Variants in ZFHX3 observed in about 807,000 individuals in gnomAD.
ZFHX3 encodes the protein zinc finger homeobox protein 3.
A neutral mutation model predicts 279.1 loss-of-function variants in ZFHX3; 42 were observed. That is an observed-to-expected ratio of 0.15 (90% CI 0.12 to 0.19). The LOEUF (loss-of-function observed/expected upper bound fraction) is 0.19, where lower values mean the gene tolerates loss of function less well. ZFHX3 is among the 10% of genes least tolerant of loss of function. The pLI is 1.00. For synonymous variants in ZFHX3, 2,293 were observed against 1,957.8 expected (o/e 1.17, Z -4.52); for missense variants, 4,981 against 4,754.0 (o/e 1.05, Z -1.40).
chr16:73,008,418 G>A (rs1044924232), intron 1 of ZFHX3, among the ~76,000 whole-genome samples: 1 of 152,132 alleles, frequency 6.6e-6, no homozygotes, highest in Non-Finnish European at 1.5e-5. Context: ...TCTGAAAGGA[G>A]ATGAAACTCT....
At chr16:73,135,439 G>T (rs1200537924) in intron 6 of ZFHX3, among the ~76,000 whole-genome samples, 1 of 152,134 alleles carries the variant, frequency 6.6e-6, no homozygotes, top group Non-Finnish European at 1.5e-5. Flanking sequence ...TAGTACAAAG[G>T]CCTGATGAGA....
chr16:72,904,961 A>C (rs1285534410), intron 3 of ZFHX3, among the ~76,000 whole-genome samples: 1 of 152,116 alleles, frequency 6.6e-6, no homozygotes, highest in Non-Finnish European at 1.5e-5. Context: ...CCTCCTAAGT[A>C]GCTAAGATTA....
chr16:73,077,853 G>A (rs773288165), intron 8 of ZFHX3, among the ~76,000 whole-genome samples: 43 of 152,186 alleles, frequency 2.8e-4, no homozygotes, highest in African/African-American at 1.0e-3. Flanking sequence ...CTCCCAGGCT[G>A]AAGTGCAATG....
intron 1 of ZFHX3, among the ~76,000 whole-genome samples, chr16:73,033,291 T>C (rs1231829487): frequency 2.0e-5 from 3 of 152,140 alleles, no homozygotes; most frequent in Admixed American, 6.5e-5. Flanking sequence ...AGGGGTTAAA[T>C]GCCCAGTGTC....
intron 1 of ZFHX3, among the ~76,000 whole-genome samples, chr16:73,023,925 C>T (rs76018493): frequency 0.023 from 3,453 of 152,290 alleles, 60 homozygotes; most frequent in East Asian, 0.088. Context: ...ACACCAGCTC[C>T]TCCCACCCTA....
chr16:73,253,148 G>T (rs1459352408), intron 5 of ZFHX3, among the ~76,000 whole-genome samples: 3 of 152,148 alleles, frequency 2.0e-5, no homozygotes, highest in African/African-American at 7.2e-5. Context: ...AACAGGCAAC[G>T]TTTGCTCAAG....
At chr16:73,614,486 A>T (rs963790528) in intron 2 of ZFHX3, among the ~76,000 whole-genome samples, 2 of 152,196 alleles carry the variant, frequency 1.3e-5, no homozygotes, top group Non-Finnish European at 2.9e-5. Flanking sequence ...AAAAGCTTAA[A>T]ATAAAAAATG....
intron 1 of ZFHX3, among the ~76,000 whole-genome samples, chr16:73,726,126 T>C (rs1241983513): frequency 6.6e-6 from 1 of 152,176 alleles, no homozygotes; most frequent in East Asian, 1.9e-4. Flanking sequence ...ACAGATCAGA[T>C]GCAAATGTCT....
At chr16:73,173,710 C>G (rs1967593364) in intron 5 of ZFHX3, among the ~76,000 whole-genome samples, 1 of 152,256 alleles carries the variant, frequency 6.6e-6, no homozygotes, top group Admixed American at 6.5e-5. Context: ...CGACCACAAC[C>G]GCCCAGGAAA....
chr16:72,986,476 C>T (rs1416128369), intron 1 of ZFHX3, among the ~76,000 whole-genome samples: 2 of 152,140 alleles, frequency 1.3e-5, no homozygotes, highest in East Asian at 1.9e-4. Context: ...AATGCATTTC[C>T]GCCAACACTA....
exon 1 of ZFHX3, chr16:73,059,549 TC>T (rs1965654255): frequency 6.7e-6 from 1 of 149,332 alleles, no homozygotes; most frequent in African/African-American, 2.5e-5. Flanking sequence ...TCTCTCTCTC[TC>T]TCTCTCTCTC....
intron 1 of ZFHX3, among the ~76,000 whole-genome samples, chr16:72,967,870 G>T (rs1421779178): frequency 6.6e-6 from 1 of 150,746 alleles, no homozygotes; most frequent in African/African-American, 2.4e-5. Context: ...ACAACTTGCA[G>T]TGAGCCGAGA....
At position 72,795,557 on chromosome 16, in the gene ZFHX3, C is replaced by T; in HGVS notation, c.7125G>A (p.Leu2375=). The change falls in exon 9 of 10, where the codon CTG becomes CTA. Residue 2375 remains leucine, a synonymous_variant. Coordinates refer to ENST00000268489, the MANE Select transcript of ZFHX3 (RefSeq NM_006885.4). ...TACTGCAGGATGAGCTGGTAGGCGT[C>T]AGGATTTCCATGGCATCCATGGAAT... ...NEDSMDAMEI[L]TPTSSSCSTP... The T allele has an allele frequency of 1.9e-6, 3 of 1,614,050 alleles. No homozygotes were observed. The highest frequency in any genetic ancestry group is 2.5e-6 in the Non-Finnish European group (3 of 1,180,024).
At chr16:73,714,718 C>T (rs1228554205) in intron 1 of ZFHX3, among the ~76,000 whole-genome samples, 1 of 152,160 alleles carries the variant, frequency 6.6e-6, no homozygotes, top group Non-Finnish European at 1.5e-5. Context: ...ATGAAGACTA[C>T]GATTATTTTT....
At chr16:73,524,510 G>A (rs1475559069) in intron 2 of ZFHX3, among the ~76,000 whole-genome samples, 6 of 152,184 alleles carry the variant, frequency 3.9e-5, no homozygotes, top group Non-Finnish European at 7.3e-5. Flanking sequence ...ACTTCCCAAA[G>A]AGCTGTGAAA....
At chr16:72,818,546 T>C (rs140230857) in intron 5 of ZFHX3, among the ~76,000 whole-genome samples, 4 of 152,340 alleles carry the variant, frequency 2.6e-5, no homozygotes, top group East Asian at 3.9e-4. Flanking sequence ...CATGGTCTCA[T>C]TCTGCCTCCA....
chr16:73,188,221 G>T (rs1967958063), intron 5 of ZFHX3, among the ~76,000 whole-genome samples: 1 of 151,878 alleles, frequency 6.6e-6, no homozygotes, highest in Non-Finnish European at 1.5e-5. Flanking sequence ...AAGAGACAGG[G>T]TCTGGCTCTG....
At chr16:72,978,011 C>T (rs998385098) in intron 1 of ZFHX3, among the ~76,000 whole-genome samples, 3 of 152,100 alleles carry the variant, frequency 2.0e-5, no homozygotes, top group Admixed American at 6.5e-5. Context: ...ACCACAGGCG[C>T]ACACCACCAT....
At chr16:72,949,753 C>A (rs545019662) in intron 3 of ZFHX3, among the ~76,000 whole-genome samples, 7 of 137,354 alleles carry the variant, frequency 5.1e-5, no homozygotes, top group South Asian at 4.5e-4. Context: ...AGCAACAGAG[C>A]GGGGAAGAAA....
Sources: allele counts gnomAD v4.1 joint callset (sites outside exome capture counted in the v4.1 genomes callset), GRCh38; gene constraint gnomAD v4.1.1; transcripts MANE v1.5; gene names NCBI Gene and HGNC (gene_info 2026-07-23, HGNC 2026-07-21).